The following CENPF variants were observed in gnomAD, a reference collection of about 807,000 sequenced individuals.
CENPF encodes AH antigen.
A neutral mutation model predicts 307.3 loss-of-function variants in CENPF; 214 were observed. That is an observed-to-expected ratio of 0.70 (90% CI 0.62 to 0.78). The LOEUF (loss-of-function observed/expected upper bound fraction) is 0.78, where lower values mean the gene tolerates loss of function less well. Ranked by LOEUF, CENPF falls within the 30% of genes least tolerant of loss-of-function variation. The pLI, the probability that CENPF is intolerant of heterozygous loss-of-function variation, is 0.00. For synonymous variants in CENPF, 1,259 were observed against 1,270.6 expected (o/e 0.99, Z 0.19); for missense variants, 3,401 against 3,483.9 (o/e 0.98, Z 0.60).
Position 214,642,535 on chromosome 1 carries a change from AG to A in CENPF, c.4198del (p.Val1400PhefsTer29). On this transcript the variant is annotated frameshift_variant, in exon 12 of 20. Coordinates refer to ENST00000366955, the MANE Select transcript of CENPF (RefSeq NM_016343.4). LOFTEE classifies it high-confidence loss of function. The part of the protein sequence containing the change: ...YEHLTLSDKE[V>X]QMHFAELQEK... ...AGCACTTGACATTGTCAGACAAAGA[AG>A]TTCAAATGCACTTTGCCGAATTGCA... 6.2e-7 allele frequency: 1 copy of A among 1,611,896 alleles called. No homozygotes were observed. The highest frequency in any genetic ancestry group is 8.5e-7 in the Non-Finnish European group (1 of 1,179,130).
At chr1:214,638,276 A>G (rs1256190854) in intron 11 of CENPF, among the ~76,000 whole-genome samples, 2 of 152,148 alleles carry the variant, frequency 1.3e-5, no homozygotes. Flanking sequence ...ACACAAAGCT[A>G]AATTGTCAGT....
Position 214,640,999 on chromosome 1 carries a change from G to C in CENPF, c.2661G>C (p.Lys887Asn). The part of the protein sequence containing the change: ...FVAETSQRIS[K>N]LQEDTSAHQN... ...CTGAAACAAGTCAGCGCATTAGTAA[G>C]TTACAGGAAGACACTTCTGCTCACC... The change falls in exon 12 of 20, where the codon AAG becomes AAC. Residue 887 changes from lysine to asparagine, a missense_variant. Coordinates refer to ENST00000366955, the MANE Select transcript of CENPF (RefSeq NM_016343.4). 1.3e-6 allele frequency: 2 copies of C among 1,584,870 alleles called. No homozygotes were observed. The highest frequency in any genetic ancestry group is 2.4e-5 in the South Asian group (2 of 84,454).
Position 214,642,656 on chromosome 1 carries a change from G to T in CENPF, c.4318G>T (p.Asp1440Tyr), listed in dbSNP as rs376287584. Residue 1440 changes from aspartate to tyrosine, a missense_variant, in exon 12 of 20, where the codon GAC becomes TAC. Coordinates refer to ENST00000366955, the MANE Select transcript of CENPF (RefSeq NM_016343.4). ...AATGTCAGAGCTGCAGACCTATGTT[G>T]ACTCATTAAAGGCCGAAAATTTGGT... ...SKMSELQTYV[D>Y]SLKAENLVLS... is the part of the protein sequence containing the mutation. The T allele has an allele frequency of 6.2e-7, 1 of 1,614,060 alleles. No homozygotes were observed. The highest frequency in any genetic ancestry group is 8.5e-7 in the Non-Finnish European group (1 of 1,180,008).
intron 4 of CENPF, 134 bp downstream of exon 4, chr1:214,618,828 C>A (rs374881333): frequency 3.5e-6 from 3 of 865,212 alleles, no homozygotes; most frequent in East Asian, 2.7e-5. Flanking sequence ...CCACTTGTTA[C>A]ATATCCATTT....
chr1:214,607,247 G>A (rs1194311373), intron 1 of CENPF, among the ~76,000 whole-genome samples: 1 of 152,236 alleles, frequency 6.6e-6, no homozygotes, highest in Non-Finnish European at 1.5e-5. Context: ...CACATCCCCA[G>A]TGGAGGCCCT....
At chr1:214,622,383 C>A in intron 7 of CENPF, 102 bp downstream of exon 7, 1 of 987,650 alleles carries the variant, frequency 1.0e-6, no homozygotes, top group Non-Finnish European at 1.5e-6. Context: ...CAGTAATGTT[C>A]TTTGTTAATA....
chr1:214,633,036 AAC>A (rs1657850853), intron 10 of CENPF, among the ~76,000 whole-genome samples: 1 of 152,220 alleles, frequency 6.6e-6, no homozygotes, highest in South Asian at 2.1e-4. Flanking sequence ...CAATATTAAA[AAC>A]ACGTGGAAAG....
At position 214,641,442 on chromosome 1, in the gene CENPF, C is replaced by T; in HGVS notation, c.3104C>T (p.Ala1035Val). 3 of 1,554,720 alleles carry T rather than the reference C, an allele frequency of 1.9e-6. No homozygotes were observed. The highest frequency in any genetic ancestry group is 2.6e-6 in the Non-Finnish European group (3 of 1,159,366). ...LLQRCEETGN[A>V]YEDLSQKYKA... is the part of the protein sequence containing the mutation. ...CAAAGATGTGAAGAAACCGGAAATG[C>T]ATATGAGGATCTTAGTCAAAAATAC... The change falls in exon 12 of 20, where the codon GCA becomes GTA. Residue 1035 changes from alanine to valine, a missense_variant. Transcript: ENST00000366955.
chr1:214,605,399 G>A (rs1656993226), intron 1 of CENPF: 3 of 419,776 alleles, frequency 7.1e-6, no homozygotes. Flanking sequence ...ACTTGCCCAA[G>A]GTCATACATC....
Position 214,645,925 on chromosome 1 carries a change from A to G in CENPF, c.6355A>G (p.Arg2119Gly). The change falls in exon 13 of 20, where the codon AGA becomes GGA. Residue 2119 changes from arginine to glycine, a missense_variant. Physicochemically the swap from Arg to Gly is moderately radical, Grantham distance 125 (BLOSUM62 -2). Transcript: ENST00000366955. ...STQEEVHQLR[R>G]GIEKLRVRIE... ...ACAGGAGGAAGTGCATCAGCTGAGAAGAGGCATCGAGAAACTGAGAGTTCG... is the reference window on the plus strand; with the variant it reads ...ACAGGAGGAAGTGCATCAGCTGAGAGGAGGCATCGAGAAACTGAGAGTTCG... 1 of 1,614,168 alleles carries G rather than the reference A, an allele frequency of 6.2e-7. No individual in the cohort carries two copies. Among genetic ancestry groups the G allele is most frequent in the Non-Finnish European group, 8.5e-7 (1 of 1,180,044 alleles).
chr1:214,630,565 C>T lies in CENPF; in HGVS notation c.1226C>T (p.Thr409Ile). The change falls in exon 9 of 20, where the codon ACA (threonine) becomes ATA (isoleucine). Residue 409 changes from threonine (T) to isoleucine (I), a missense_variant. Thr to Ile is a moderately conservative substitution (Grantham distance 89). Coordinates refer to ENST00000366955, the MANE Select transcript of CENPF (RefSeq NM_016343.4). ...ELSRQQRSFQTLDQECIQMKA... is the reference protein window; with the variant it reads ...ELSRQQRSFQILDQECIQMKA... ...TCCCGTCAACAGCGTTCTTTCCAAA[C>T]ACTGGACCAGGAGTGCATCCAGATG... 1 of 1,614,152 alleles carries T rather than the reference C, an allele frequency of 6.2e-7. No homozygotes were observed. The highest frequency in any genetic ancestry group is 1.3e-5 in the African/African-American group (1 of 75,050).
chr1:214,630,642 C>T lies in CENPF; in HGVS notation c.1303C>T (p.Leu435=), dbSNP rs1215371898. Residue 435 remains leucine (L), a synonymous_variant, in exon 9 of 20, where the codon CTG becomes TTG. Transcript: ENST00000366955. Reference sequence around the variant, plus strand: ...GCAAGCCAAGAATATGCACAACGTCCTGCAGGCTGAACTGGATAAAGTAGG... The same window carrying T: ...GCAAGCCAAGAATATGCACAACGTCTTGCAGGCTGAACTGGATAAAGTAGG... ...LQQAKNMHNV[L]QAELDKLTSV... is the part of the protein sequence containing the mutation. 6 of 1,614,176 alleles carry T rather than the reference C, an allele frequency of 3.7e-6. No individual in the cohort carries two copies. In the East Asian group the frequency reaches 1.1e-4, roughly 30 times the overall value.
chr1:214,639,800 C>G (rs1170927680), intron 11 of CENPF, 121 bp from the exon 12 acceptor site: 1 of 514,550 alleles, frequency 1.9e-6, no homozygotes. Flanking sequence ...GCCAGTTTTT[C>G]CAGGGCTTGA....
intron 15 of CENPF, among the ~76,000 whole-genome samples, chr1:214,652,407 C>G (rs1333267215): frequency 6.6e-6 from 1 of 150,864 alleles, no homozygotes; most frequent in African/African-American, 2.4e-5. Context: ...TCGAAATAGT[C>G]CTTGGAAAGG....
At chr1:214,630,715 A>G (rs964731410) in intron 9 of CENPF, 53 bp downstream of exon 9, 2 of 1,590,124 alleles carry the variant, frequency 1.3e-6, no homozygotes, top group Admixed American at 1.7e-5. Flanking sequence ...TGTTCCTTGT[A>G]CTTGTTACTT....
At position 214,603,310 on chromosome 1, in the gene CENPF, C is replaced by T. The variant is rs1456066047; in HGVS notation, c.-53C>T. The T allele has an allele frequency of 6.6e-6, 1 of 152,410 alleles. No homozygotes were observed. The highest frequency in any genetic ancestry group is 1.5e-5 in the Non-Finnish European group (1 of 68,152). 9.4% of individuals were successfully genotyped at this position (152,410 alleles called of 1,614,324 possible). A position where few individuals can be genotyped will look rare whatever the true frequency, so the allele number is the denominator to read the frequency against. ...CTCTCCGAGAGGTCGTTTTCCCGTC[C>T]CCGAGAGCAAGGTGAGCGTCCTGAC... On this transcript the variant is annotated 5_prime_UTR_variant, in exon 1 of 20. Transcript: ENST00000366955.
At chr1:214,616,889 CTTTCTTTCTTTCTTT>C (rs1558170939) in intron 3 of CENPF, among the ~76,000 whole-genome samples, 17 of 100,000 alleles carry the variant, frequency 1.7e-4, no homozygotes, top group Non-Finnish European at 2.9e-4. Flanking sequence ...TTCTTTCTTT[CTTTCTTTCTTTCTTT>C]CTTTCTTTCT....
chr1:214,656,807 A>C, intron 17 of CENPF, 126 bp from the exon 18 acceptor site: 1 of 642,260 alleles, frequency 1.6e-6, no homozygotes. Context: ...ATACAGATAT[A>C]TCTCCCCAAC....
chr1:214,650,848 C>T (rs997504725), intron 14 of CENPF, among the ~76,000 whole-genome samples: 8 of 151,926 alleles, frequency 5.3e-5, no homozygotes, highest in South Asian at 2.1e-4. Flanking sequence ...ATTGTGCCAC[C>T]GCACTCCAGC....
Sources: allele counts gnomAD v4.1 joint callset (sites outside exome capture counted in the v4.1 genomes callset), GRCh38; gene constraint gnomAD v4.1.1; transcripts MANE v1.5; gene names NCBI Gene and HGNC (gene_info 2026-07-23, HGNC 2026-07-21).